FAF1: variants seen among roughly 807,000 people sequenced by gnomAD.
FAF1 encodes the protein FAS-associated factor 1.
In FAF1, 25 loss-of-function variants were observed where a neutral mutation model predicts 92.5. That is an observed-to-expected ratio of 0.27 (90% CI 0.20 to 0.38). The LOEUF is 0.38. Among genes scored for constraint, FAF1 ranks in the 10% least tolerant of loss-of-function variants. The pLI, the probability that FAF1 is intolerant of heterozygous loss-of-function variation, is 1.00. For missense variants in FAF1, 636 were observed against 793.3 expected (o/e 0.80, Z 2.38); for synonymous variants, 234 against 273.2 (o/e 0.86, Z 1.42).
chr1:50,815,729 T>C (rs1477522789), intron 2 of FAF1, among the ~76,000 whole-genome samples: 2 of 152,178 alleles, frequency 1.3e-5, no homozygotes, highest in African/African-American at 4.8e-5. Flanking sequence ...TTACTTTTAG[T>C]AATAGCCATT....
intron 4 of FAF1, chr1:50,780,582 G>A (rs1210249871): frequency 2.0e-5 from 4 of 201,980 alleles, no homozygotes; most frequent in Non-Finnish European, 3.0e-5. Context: ...ATCACTGGTA[G>A]CAAAAATTTA....
chr1:50,668,250 T>C (rs760181493), intron 7 of FAF1, among the ~76,000 whole-genome samples: 14 of 152,152 alleles, frequency 9.2e-5, no homozygotes, highest in Non-Finnish European at 1.6e-4. Context: ...TTTGGGGCCC[T>C]GGAGTCAGGA....
rs182845800 is a variant in FAF1, at chr1:50,877,129, G to A, written c.46-19132C>T. 4.6e-5 allele frequency among the ~76,000 whole-genome samples: 7 copies of A among 152,276 alleles called. No homozygotes were observed. The East Asian group carries it at 1.2e-3, about 25-fold the overall frequency. On this transcript the variant is annotated intron_variant, in intron 1 of 18. Transcript: ENST00000396153. ...ACATAGTAACTTCCTTCCCAAGGGC[G>A]ACAGCACAGGTAGTGGGGAGAAAGA...
chr1:50,612,673 G>A (rs949230206), intron 8 of FAF1, among the ~76,000 whole-genome samples: 2 of 152,116 alleles, frequency 1.3e-5, no homozygotes, highest in African/African-American at 2.4e-5. Context: ...CTTTGGTCTC[G>A]GGACATGGAC....
intron 7 of FAF1, among the ~76,000 whole-genome samples, chr1:50,687,620 G>A (rs1231533066): frequency 2.0e-5 from 3 of 151,948 alleles, no homozygotes; most frequent in Admixed American, 1.3e-4. Context: ...CATGGGGCGC[G>A]TGCCTGTAAT....
intron 9 of FAF1, among the ~76,000 whole-genome samples, chr1:50,592,060 A>G (rs1466492243): frequency 2.0e-5 from 3 of 151,334 alleles, no homozygotes; most frequent in African/African-American, 4.9e-5. Flanking sequence ...GAGAAAGACA[A>G]ACAAAGTTCT....
intron 15 of FAF1, among the ~76,000 whole-genome samples, chr1:50,523,955 G>A (rs916572345): frequency 2.6e-5 from 4 of 152,170 alleles, no homozygotes; most frequent in African/African-American, 9.7e-5. Flanking sequence ...GTAGGTCTCT[G>A]AGGAATTGCC....
At chr1:50,890,940 T>C (rs1335447738) in intron 1 of FAF1, among the ~76,000 whole-genome samples, 1 of 152,214 alleles carries the variant, frequency 6.6e-6, no homozygotes, top group Admixed American at 6.5e-5. Flanking sequence ...TCCTGGATAA[T>C]ATCCTGCAGA....
chr1:50,776,586 T>C (rs550025187), intron 4 of FAF1, among the ~76,000 whole-genome samples: 513 of 152,060 alleles, frequency 3.4e-3, no homozygotes, highest in Middle Eastern at 0.01. Context: ...TTTTCTGAAG[T>C]GATACACTAT....
chr1:50,504,344 T>C (rs1421350553), intron 15 of FAF1, among the ~76,000 whole-genome samples: 1 of 151,034 alleles, frequency 6.6e-6, no homozygotes, highest in Non-Finnish European at 1.5e-5. Flanking sequence ...CTAGTATAGA[T>C]GAAAGACAAG....
chr1:50,959,728 A>C, intron 1 of FAF1, 39 bp downstream of exon 1: 1 of 1,570,616 alleles, frequency 6.4e-7, no homozygotes, highest in Non-Finnish European at 8.7e-7. Flanking sequence ...GAAACCCACG[A>C]GGTTGGAAGT....
intron 9 of FAF1, among the ~76,000 whole-genome samples, chr1:50,589,315 C>T (rs531178081): frequency 6.6e-6 from 1 of 152,130 alleles, no homozygotes; most frequent in South Asian, 2.1e-4. Flanking sequence ...GGAGGGATTT[C>T]AGGTGCTTAG....
chr1:50,706,373 G>A (rs1657676035), intron 6 of FAF1, among the ~76,000 whole-genome samples: 1 of 152,140 alleles, frequency 6.6e-6, no homozygotes, highest in Admixed American at 6.5e-5. Context: ...AACTTCAATT[G>A]TTATGTAAAA....
intron 1 of FAF1, among the ~76,000 whole-genome samples, chr1:50,941,875 A>G: frequency 6.6e-6 from 1 of 152,240 alleles, no homozygotes; most frequent in East Asian, 1.9e-4. Flanking sequence ...TTTTATACAT[A>G]CTTTGTGAAA....
intron 18 of FAF1, 82 bp from the exon 19 acceptor site, chr1:50,441,605 C>G (rs1646167051): frequency 2.9e-6 from 2 of 692,340 alleles, no homozygotes; most frequent in Non-Finnish European, 4.7e-6. Context: ...TCTATGCACA[C>G]TGATTCTGAA....
At chr1:50,895,440 A>G (rs904836769) in intron 1 of FAF1, among the ~76,000 whole-genome samples, 1 of 152,208 alleles carries the variant, frequency 6.6e-6, no homozygotes, top group Non-Finnish European at 1.5e-5. Flanking sequence ...GAATCTTACC[A>G]AACAGTTAAA....
chr1:50,729,058 A>ATATATTTTTTTTTTT (rs1375923156), intron 6 of FAF1, among the ~76,000 whole-genome samples: 1 of 70,132 alleles, frequency 1.4e-5, no homozygotes, highest in African/African-American at 5.9e-5. Flanking sequence ...ATATATATAT[A>ATATATTTTTTTTTTT]TTTTTTTTTT....
chr1:50,574,904 T>G (rs1650646265), intron 12 of FAF1, among the ~76,000 whole-genome samples: 1 of 125,936 alleles, frequency 7.9e-6, no homozygotes, highest in African/African-American at 3.1e-5. Flanking sequence ...AACTCTTTTT[T>G]TTTTTTTTTT....
intron 1 of FAF1, among the ~76,000 whole-genome samples, chr1:50,957,927 T>C (rs1645282645): frequency 6.6e-6 from 1 of 152,182 alleles, no homozygotes; most frequent in Non-Finnish European, 1.5e-5. Flanking sequence ...TAGAGTCCTT[T>C]TTCAAACAGT....
Sources: allele counts gnomAD v4.1 joint callset (sites outside exome capture counted in the v4.1 genomes callset), GRCh38; gene constraint gnomAD v4.1.1; transcripts MANE v1.5; gene names NCBI Gene and HGNC (gene_info 2026-07-23, HGNC 2026-07-21).